COMMD6: variants seen among roughly 807,000 people sequenced by gnomAD.
COMMD6 encodes the protein COMM domain-containing protein 6.
In COMMD6, 11 loss-of-function variants were observed where a neutral mutation model predicts 13.4. That is an observed-to-expected ratio of 0.82 (90% CI 0.52 to 1.36). The LOEUF (loss-of-function observed/expected upper bound fraction) is 1.36. COMMD6 is among the 40% of genes most tolerant of loss of function. The pLI, the probability that COMMD6 is intolerant of heterozygous loss-of-function variation, is 0.00. For synonymous variants in COMMD6, 43 were observed against 36.5 expected (o/e 1.18, Z -0.64); for missense variants, 124 against 102.4 (o/e 1.21, Z -0.91).
chr13:75,541,828 C>T (rs1054693439), upstream of COMMD6, among the ~76,000 whole-genome samples: 1 of 151,992 alleles, frequency 6.6e-6, no homozygotes, highest in Non-Finnish European at 1.5e-5. Flanking sequence ...GAATAATGGC[C>T]CCCCAAATAT....
intron 2 of COMMD6, among the ~76,000 whole-genome samples, chr13:75,532,962 G>A (rs1250737935): frequency 2.1e-5 from 3 of 146,084 alleles, no homozygotes; most frequent in Non-Finnish European, 3.0e-5. Context: ...ATGGAGTCTC[G>A]CTCTGTTGCT....
chr13:75,548,371 G>A lies in COMMD6; in HGVS notation n.106+952C>T, dbSNP rs547812938. On this transcript the variant is annotated intron_variant and non_coding_transcript_variant, in intron 1 of 2. Coordinates refer to the COMMD6 transcript ENST00000460675. The stretch of plus-strand genomic sequence containing the variant: ...GTCAAAGAACAGTGGCCAGAAGAAC[G>A]TGGGTGGGAGAGTTGGAAGTTTCCC... 1.1e-4 allele frequency among the ~76,000 whole-genome samples: 17 copies of A among 152,344 alleles called. No individual in the cohort carries two copies. In the South Asian group the frequency reaches 3.5e-3, roughly 32 times the overall value.
At chr13:75,529,966 G>T in intron 3 of COMMD6, 148 bp downstream of exon 3, 1 of 576,968 alleles carries the variant, frequency 1.7e-6, no homozygotes, top group Non-Finnish European at 3.0e-6. Context: ...ACAAATTAAT[G>T]TCTCTTGCAT....
intron 1 of COMMD6, among the ~76,000 whole-genome samples, chr13:75,545,980 A>T (rs1343442327): frequency 6.6e-6 from 1 of 152,194 alleles, no homozygotes; most frequent in Non-Finnish European, 1.5e-5. Flanking sequence ...AAAATAACTT[A>T]AGGAGTATAA....
At chr13:75,538,540 T>C (rs1037743178), upstream of COMMD6, among the ~76,000 whole-genome samples, 2 of 152,240 alleles carry the variant, frequency 1.3e-5, no homozygotes, top group Non-Finnish European at 2.9e-5. Flanking sequence ...ATTGTACATA[T>C]TTGCTTTATC....
intron 1 of COMMD6, among the ~76,000 whole-genome samples, chr13:75,548,801 T>C (rs2030964183): frequency 6.6e-6 from 1 of 152,194 alleles, no homozygotes; most frequent in Admixed American, 6.5e-5. Context: ...ATTTGCAGTT[T>C]GGTGAAAAAG....
chr13:75,537,308 T>TA (rs2030702999), intron 2 of COMMD6: 9 of 1,546,592 alleles, frequency 5.8e-6, no homozygotes, highest in Non-Finnish European at 7.9e-6. Context: ...AAAAATAACT[T>TA]AGAGACTAAG....
At chr13:75,537,424 A>G (rs1438736403) in intron 2 of COMMD6, 1 of 1,551,266 alleles carries the variant, frequency 6.4e-7, no homozygotes, top group Admixed American at 2.0e-5. Context: ...TCAAAGCCCA[A>G]CAATCCTTGA....
At position 75,533,056 on chromosome 13, in the gene COMMD6, G is replaced by C. The variant is rs775554668; in HGVS notation, c.55-2790C>G. Among the ~76,000 whole-genome samples the C allele has an allele frequency of 2.0e-5, 3 of 149,890 alleles. No homozygotes were observed. In the East Asian group the frequency reaches 6.1e-4, roughly 30 times the overall value. The stretch of plus-strand genomic sequence containing the variant: ...CGCCATTCTCCTGCCTCAGCCACCC[G>C]AGTAGCTGGGACTACAGGCGCCCGC... On this transcript the variant is annotated intron_variant, in intron 2 of 3. Coordinates refer to ENST00000682242, the MANE Select transcript of COMMD6 (RefSeq NM_203495.4).
chr13:75,549,368 C>A, exon 1 of COMMD6: 1 of 171,632 alleles, frequency 5.8e-6, no homozygotes, highest in South Asian at 1.9e-4. Flanking sequence ...CAATGGGTAG[C>A]CACCTGGCGT....
At position 75,525,260 on chromosome 13, in the gene COMMD6, G is replaced by A. The variant is rs533660792; in HGVS notation, c.*1329C>T. On this transcript the variant is annotated 3_prime_UTR_variant, in exon 4 of 4. Transcript: ENST00000682242. The stretch of plus-strand genomic sequence containing the variant: ...TTCAAATCTGCTACCCACAGTGTTT[G>A]AGCCAGGGCCTAACTTTGGGTCTTT... The A allele has an allele frequency of 6.6e-6, 1 of 152,250 alleles. No individual in the cohort carries two copies. Among genetic ancestry groups the A allele is most frequent in the East Asian group, 1.9e-4 (1 of 5,190 alleles). The allele number at this position is 152,250 out of a possible 1,614,324, so 9.4% of individuals were successfully genotyped here.
chr13:75,525,904 C>A lies in COMMD6; in HGVS notation c.*685G>T, dbSNP rs2030230901. ...AACAACAGGTTTATGTATTTAAATT[C>A]AACAGAGATCATCTAATGCAATAAC... is the stretch of plus-strand genomic sequence containing the variant. On this transcript the variant is annotated 3_prime_UTR_variant, in exon 4 of 4. Transcript: ENST00000682242. 1 of 152,198 alleles carries A rather than the reference C, an allele frequency of 6.6e-6. No homozygotes were observed. Among genetic ancestry groups the A allele is most frequent in the Non-Finnish European group, 1.5e-5 (1 of 68,032 alleles). 9.4% of individuals were successfully genotyped at this position (152,198 alleles called of 1,614,324 possible).
At chr13:75,533,376 G>A (rs931354840) in intron 2 of COMMD6, among the ~76,000 whole-genome samples, 1 of 152,040 alleles carries the variant, frequency 6.6e-6, no homozygotes, top group Non-Finnish European at 1.5e-5. Context: ...AGACCAGCCT[G>A]GGCAACAGCC....
chr13:75,527,845 G>A lies in COMMD6; in HGVS notation c.208-1206C>T, dbSNP rs750958455. ...GAAAGGAGACTGGAGGTTGCCAGGA[G>A]CTGAGGCTGGGGGTCAATGGGGAAA... is the stretch of plus-strand genomic sequence containing the variant. On this transcript the variant is annotated intron_variant, in intron 3 of 3. Transcript: ENST00000682242. The A allele has an allele frequency of 2.7e-6, 4 of 1,507,562 alleles. No homozygotes were observed. In the Admixed American group the frequency reaches 6.1e-5, roughly 23 times the overall value. The allele number at this position is 1,507,562 out of a possible 1,614,324, so 93.4% of individuals were successfully genotyped here.
intron 2 of COMMD6, among the ~76,000 whole-genome samples, chr13:75,534,619 T>C (rs1184282402): frequency 3.3e-5 from 5 of 152,168 alleles, no homozygotes; most frequent in Non-Finnish European, 1.5e-5. Flanking sequence ...CCAAAATCAT[T>C]GTATGATGAA....
chr13:75,530,430 G>A, intron 2 of COMMD6, 164 bp from the exon 3 acceptor site: 15 of 484,308 alleles, frequency 3.1e-5, no homozygotes, highest in Middle Eastern at 5.5e-4. Flanking sequence ...ATAATCAAAT[G>A]AAAAAATGGA....
At position 75,526,298 on chromosome 13, in the gene COMMD6, G is replaced by T; in HGVS notation, c.*291C>A. On this transcript the variant is annotated 3_prime_UTR_variant, in exon 4 of 4. Transcript: ENST00000682242. ...CTACTGTTGTAACACATAAATTTGT[G>T]CTGCCTCCAACAGCAATGATTCAAC... is the stretch of plus-strand genomic sequence containing the variant. 3.7e-6 allele frequency: 1 copy of T among 267,060 alleles called. No homozygotes were observed. 16.5% of individuals were successfully genotyped at this position (267,060 alleles called of 1,614,324 possible). A position where few individuals can be genotyped will look rare whatever the true frequency, so the allele number is the denominator to read the frequency against.
At chr13:75,533,075 C>T (rs1322433763) in intron 2 of COMMD6, among the ~76,000 whole-genome samples, 7 of 151,524 alleles carry the variant, frequency 4.6e-5, no homozygotes, top group Non-Finnish European at 8.8e-5. Context: ...GGACTACAGG[C>T]GCCCGCCACC....
chr13:75,546,584 T>C (rs527637343), intron 1 of COMMD6, among the ~76,000 whole-genome samples: 7 of 118,852 alleles, frequency 5.9e-5, no homozygotes, highest in African/African-American at 1.8e-4. Context: ...CAGCAGTTGC[T>C]GCAAAATGTA....
Sources: allele counts gnomAD v4.1 joint callset (sites outside exome capture counted in the v4.1 genomes callset), GRCh38; gene constraint gnomAD v4.1.1; transcripts MANE v1.5; gene names NCBI Gene and HGNC (gene_info 2026-07-23, HGNC 2026-07-21).